Variants in RALGPS1 observed in about 807,000 individuals in gnomAD.
RALGPS1 encodes the protein Ral GEF with PH domain and SH3 binding motif 1.
RALGPS1 carries 19 observed loss-of-function variants against 78.8 expected under a neutral mutation model. That is an observed-to-expected ratio of 0.24 (90% confidence interval 0.17 to 0.35). The LOEUF is 0.35. RALGPS1 is among the 10% of genes least tolerant of loss of function. The pLI is 1.00. For synonymous variants in RALGPS1, 228 were observed against 256.3 expected, an observed-to-expected ratio of 0.89 and a Z score of 1.06; for missense variants, 454 against 688.3, an observed-to-expected ratio of 0.66 and a Z score of 3.81.
intron 3 of RALGPS1, among the ~76,000 whole-genome samples, chr9:126,968,158 A>G (rs2039722651): frequency 6.6e-6 from 1 of 152,044 alleles, no homozygotes; most frequent in Non-Finnish European, 1.5e-5. Flanking sequence ...GCATACCACC[A>G]TGCCCAGCTA....
chr9:127,198,979 A>C, intron 13 of RALGPS1, 36 bp from the exon 14 acceptor site: 1 of 1,599,906 alleles, frequency 6.3e-7, no homozygotes, highest in Non-Finnish European at 8.6e-7. Context: ...TCTTCTGTGA[A>C]GCCGTTGTGC....
intron 8 of RALGPS1, among the ~76,000 whole-genome samples, chr9:127,075,503 C>T (rs2050597441): frequency 6.6e-6 from 1 of 152,196 alleles, no homozygotes; most frequent in African/African-American, 2.4e-5. Flanking sequence ...GTATTCTTCT[C>T]AAAAATGCAA....
At chr9:127,073,101 C>G (rs1024623802) in intron 8 of RALGPS1, among the ~76,000 whole-genome samples, 2 of 152,180 alleles carry the variant, frequency 1.3e-5, no homozygotes, top group Admixed American at 1.3e-4. Context: ...TTCATGTCCT[C>G]TCTTTTAGCT....
Position 126,942,465 on chromosome 9 carries a change from A to G in RALGPS1, c.-65-19760A>G, listed in dbSNP as rs546357882. Among the ~76,000 whole-genome samples the G allele has an allele frequency of 2.6e-5, 4 of 152,318 alleles. No homozygotes were observed. In the East Asian group the frequency reaches 7.7e-4, roughly 29 times the overall value. ...GTGAATAGTAAATAGTTTCATCAACATTTATTGAAGAATCTATCTTCTCCA... is the reference window on the plus strand; with the variant it reads ...GTGAATAGTAAATAGTTTCATCAACGTTTATTGAAGAATCTATCTTCTCCA... On this transcript the variant is annotated intron_variant, in intron 1 of 18. Coordinates refer to ENST00000259351, the MANE Select transcript of RALGPS1 (RefSeq NM_014636.3).
chr9:127,163,790 G>T (rs1420450977), intron 8 of RALGPS1, among the ~76,000 whole-genome samples: 2 of 152,210 alleles, frequency 1.3e-5, no homozygotes, highest in African/African-American at 4.8e-5. Context: ...TCTTAGTGCA[G>T]TGCTCATCTA....
At chr9:127,078,821 GT>G (rs2050915269) in intron 8 of RALGPS1, among the ~76,000 whole-genome samples, 1 of 152,124 alleles carries the variant, frequency 6.6e-6, no homozygotes, top group South Asian at 2.1e-4. Context: ...ACTTCCTTTA[GT>G]TTTTTGGATT....
At chr9:126,971,442 A>G (rs758690325) in intron 3 of RALGPS1, among the ~76,000 whole-genome samples, 4 of 152,168 alleles carry the variant, frequency 2.6e-5, no homozygotes, top group Non-Finnish European at 4.4e-5. Flanking sequence ...AGCAAATGAC[A>G]TATACAGGAA....
At chr9:126,918,392 A>G (rs927720921) in intron 1 of RALGPS1, among the ~76,000 whole-genome samples, 43 of 152,206 alleles carry the variant, frequency 2.8e-4, no homozygotes, top group African/African-American at 1.0e-3. Context: ...ATTGGAGTGC[A>G]GTGGCACAGT....
At chr9:127,046,016 T>C (rs1194003931) in intron 5 of RALGPS1, among the ~76,000 whole-genome samples, 1 of 152,180 alleles carries the variant, frequency 6.6e-6, no homozygotes, top group Non-Finnish European at 1.5e-5. Flanking sequence ...AAGGAAGTGC[T>C]CAAACTAACA....
At chr9:126,974,992 G>A (rs910309268) in intron 3 of RALGPS1, among the ~76,000 whole-genome samples, 2 of 151,750 alleles carry the variant, frequency 1.3e-5, no homozygotes, top group Non-Finnish European at 2.9e-5. Context: ...AAAACTGAGT[G>A]GCCTTGAGGG....
At chr9:127,145,499 A>C (rs1011526802) in intron 8 of RALGPS1, among the ~76,000 whole-genome samples, 1 of 152,058 alleles carries the variant, frequency 6.6e-6, no homozygotes, top group African/African-American at 2.4e-5. Context: ...CCCTAAACTC[A>C]TTTGTTGACT....
chr9:127,012,996 A>G (rs1323054671), intron 4 of RALGPS1, among the ~76,000 whole-genome samples: 3 of 152,208 alleles, frequency 2.0e-5, no homozygotes, highest in South Asian at 2.1e-4. Context: ...ACAAAGTGCT[A>G]TATGGGAGGG....
At chr9:127,209,118 A>G (rs1329781071) in intron 14 of RALGPS1, among the ~76,000 whole-genome samples, 1 of 152,260 alleles carries the variant, frequency 6.6e-6, no homozygotes, top group Non-Finnish European at 1.5e-5. Flanking sequence ...CAAAGCCACA[A>G]AGGATCTCAC....
intron 8 of RALGPS1, chr9:127,107,840 T>G: frequency 2.1e-6 from 3 of 1,433,142 alleles, no homozygotes; most frequent in Non-Finnish European, 2.8e-6. Flanking sequence ...CTTTTCCCCA[T>G]TTGTGGACAC....
intron 14 of RALGPS1, among the ~76,000 whole-genome samples, chr9:127,200,954 C>CTTA (rs1055655068): frequency 6.6e-6 from 1 of 152,252 alleles, no homozygotes; most frequent in African/African-American, 2.4e-5. Flanking sequence ...CATTCACTCA[C>CTTA]TTATTCATTC....
intron 11 of RALGPS1, among the ~76,000 whole-genome samples, chr9:127,181,757 C>A (rs551948968): frequency 6.6e-6 from 1 of 152,132 alleles, no homozygotes; most frequent in South Asian, 2.1e-4. Context: ...ATCTCTTTGG[C>A]CTGTGGCAAC....
intron 7 of RALGPS1, among the ~76,000 whole-genome samples, chr9:127,059,406 A>T (rs2135569928): frequency 6.6e-6 from 1 of 152,282 alleles, no homozygotes; most frequent in South Asian, 2.1e-4. Flanking sequence ...TTCTCAGAAG[A>T]TCTCAGTCAA....
intron 4 of RALGPS1, among the ~76,000 whole-genome samples, chr9:127,023,302 G>C (rs901789652): frequency 6.6e-6 from 1 of 152,194 alleles, no homozygotes; most frequent in African/African-American, 2.4e-5. Context: ...GTCTGTCCCT[G>C]CTTTGAGCAG....
At chr9:126,991,991 G>A (rs1211499892) in intron 4 of RALGPS1, among the ~76,000 whole-genome samples, 1 of 152,222 alleles carries the variant, frequency 6.6e-6, no homozygotes, top group African/African-American at 2.4e-5. Context: ...CAAGCAGTGA[G>A]TAAGCAGTGT....
Sources: allele counts gnomAD v4.1 joint callset (sites outside exome capture counted in the v4.1 genomes callset), GRCh38; gene constraint gnomAD v4.1.1; transcripts MANE v1.5; gene names NCBI Gene and HGNC (gene_info 2026-07-23, HGNC 2026-07-21).